The following KANK1 variants were observed in gnomAD, a reference collection of about 807,000 sequenced individuals.
KANK1 encodes the protein KN motif and ankyrin repeat domains 1.
Under a neutral mutation model 106.2 loss-of-function variants are expected in KANK1, and 109 were observed. The observed-to-expected ratio is 1.03, with a 90% confidence interval of 0.88 to 1.20. The LOEUF is 1.20. Among genes scored for constraint, KANK1 ranks in the 50% most tolerant of loss-of-function variants. The pLI, the probability that KANK1 is intolerant of heterozygous loss-of-function variation, is 0.00. For missense variants in KANK1, 2,399 were observed against 1,710.7 expected (o/e 1.40, Z -7.10); for synonymous variants, 873 against 652.2 (o/e 1.34, Z -5.16).
At chr9:693,895 T>A (rs1201279305) in intron 2 of KANK1, 2 of 857,060 alleles carry the variant, frequency 2.3e-6, no homozygotes, top group Non-Finnish European at 2.8e-6. Flanking sequence ...GATTTGCTTT[T>A]ACTTCAAGCT....
At chr9:579,488 C>G (rs1238205632) in intron 1 of KANK1, among the ~76,000 whole-genome samples, 2 of 152,190 alleles carry the variant, frequency 1.3e-5, no homozygotes, top group African/African-American at 4.8e-5. Flanking sequence ...TTTCTGCACT[C>G]CAGCTCTGTT....
intron 1 of KANK1, chr9:673,429 T>TGAACTCCTGGCCTC (rs1815679993): frequency 1.3e-5 from 2 of 152,482 alleles, no homozygotes. Context: ...AGCCTGGTCT[T>TGAACTCCTGGCCTC]GAACTCCTGG....
At chr9:551,606 C>T (rs1034404403) in intron 1 of KANK1, among the ~76,000 whole-genome samples, 7 of 152,134 alleles carry the variant, frequency 4.6e-5, no homozygotes, top group African/African-American at 1.7e-4. Context: ...AATGGTTACT[C>T]TCACCTGTGC....
chr9:643,542 G>GTTTTTTTTTTTTTTT (rs1491477473), intron 1 of KANK1, among the ~76,000 whole-genome samples: 1 of 104,568 alleles, frequency 9.6e-6, no homozygotes. Context: ...TTTTCTTTTT[G>GTTTTTTTTTTTTTTT]ATTTTTTTTT....
At chr9:507,667 G>A (rs1013104157) in intron 1 of KANK1, among the ~76,000 whole-genome samples, 5 of 147,840 alleles carry the variant, frequency 3.4e-5, no homozygotes, top group Non-Finnish European at 4.5e-5. Flanking sequence ...AGCGATTCTC[G>A]TGCCTCAGCC....
intron 1 of KANK1, among the ~76,000 whole-genome samples, chr9:611,292 GC>G (rs751069908): frequency 6.6e-6 from 1 of 152,164 alleles, no homozygotes; most frequent in Non-Finnish European, 1.5e-5. Flanking sequence ...TGAACCAAGA[GC>G]CCAGCCCACG....
intron 3 of KANK1, among the ~76,000 whole-genome samples, chr9:490,296 A>T (rs1245710520): frequency 6.6e-6 from 1 of 152,224 alleles, no homozygotes; most frequent in Non-Finnish European, 1.5e-5. Flanking sequence ...GCTTGAGCTC[A>T]GGAGTTCAAG....
upstream of KANK1, among the ~76,000 whole-genome samples, chr9:500,094 G>A (rs1318128887): frequency 6.6e-6 from 1 of 152,200 alleles, no homozygotes; most frequent in African/African-American, 2.4e-5. Context: ...AGGAAGGGTA[G>A]AGTGATCTTC....
chr9:539,233 G>C (rs376927707), intron 1 of KANK1, among the ~76,000 whole-genome samples: 1 of 152,064 alleles, frequency 6.6e-6, no homozygotes, highest in East Asian at 1.9e-4. Context: ...AGAACGCTTT[G>C]GCTGTTTGGG....
At chr9:471,375 A>T (rs140196486) in intron 2 of KANK1, 1 of 152,594 alleles carries the variant, frequency 6.6e-6, no homozygotes, top group East Asian at 1.9e-4. Context: ...ACAAGGAAGT[A>T]GAGTAGGGAA....
At chr9:656,878 C>T (rs912172) in intron 1 of KANK1, among the ~76,000 whole-genome samples, 66,827 of 150,338 alleles carry the variant, frequency 0.44, 16,781 homozygotes, top group East Asian at 0.87. Context: ...CTACTTTTTT[C>T]CTTTTTTTTT....
At chr9:708,804 T>C (rs1010334118) in intron 2 of KANK1, among the ~76,000 whole-genome samples, 1 of 152,170 alleles carries the variant, frequency 6.6e-6, no homozygotes, top group Non-Finnish European at 1.5e-5. Context: ...TTTTCACTCA[T>C]TGCTTTTGAG....
At chr9:729,972 G>T in intron 3 of KANK1, 79 bp from the exon 4 acceptor site, 1 of 1,222,130 alleles carries the variant, frequency 8.2e-7, no homozygotes, top group Non-Finnish European at 1.2e-6. Flanking sequence ...TAAATTATGA[G>T]TGGCAAGAAT....
intron 1 of KANK1, among the ~76,000 whole-genome samples, chr9:629,752 G>A (rs1284203238): frequency 1.3e-5 from 2 of 152,180 alleles, no homozygotes; most frequent in Non-Finnish European, 2.9e-5. Context: ...TACGTATGTA[G>A]AGAGAATTGG....
chr9:482,873 C>T (rs949586932), intron 3 of KANK1, among the ~76,000 whole-genome samples: 3 of 152,050 alleles, frequency 2.0e-5, no homozygotes, highest in East Asian at 1.9e-4. Context: ...TCAAGTTGTC[C>T]GTGTTCTGAG....
At chr9:739,882 C>G (rs1036801321) in intron 8 of KANK1, among the ~76,000 whole-genome samples, 5 of 151,708 alleles carry the variant, frequency 3.3e-5, no homozygotes, top group African/African-American at 1.2e-4. Context: ...CTAAGGAGCC[C>G]CGAAGCGCAC....
chr9:527,660 A>T (rs1032620892), intron 1 of KANK1, among the ~76,000 whole-genome samples: 5 of 150,274 alleles, frequency 3.3e-5, no homozygotes, highest in Non-Finnish European at 5.9e-5. Context: ...TACAAGGGAG[A>T]TAGTCTCCTT....
intron 1 of KANK1, among the ~76,000 whole-genome samples, chr9:598,114 G>A (rs75836873): frequency 6.6e-6 from 1 of 151,778 alleles, no homozygotes; most frequent in African/African-American, 2.4e-5. Flanking sequence ...ACCACTTGCT[G>A]AAGAGACAGT....
intron 2 of KANK1, among the ~76,000 whole-genome samples, chr9:698,897 T>C (rs1821961717): frequency 6.6e-6 from 1 of 152,186 alleles, no homozygotes; most frequent in African/African-American, 2.4e-5. Context: ...TTCACTCCCT[T>C]GTTTAAAACC....
Sources: allele counts gnomAD v4.1 joint callset (sites outside exome capture counted in the v4.1 genomes callset), GRCh38; gene constraint gnomAD v4.1.1; transcripts MANE v1.5; gene names NCBI Gene and HGNC (gene_info 2026-07-23, HGNC 2026-07-21).